The following DLG2 variants were observed in gnomAD, a reference collection of about 807,000 sequenced individuals.
DLG2 encodes discs large MAGUK scaffold protein 2.
Under a neutral mutation model 132.5 loss-of-function variants are expected in DLG2, and 45 were observed. That is an observed-to-expected ratio of 0.34 (90% CI 0.27 to 0.44). The LOEUF (loss-of-function observed/expected upper bound fraction) is 0.44, where lower values mean the gene tolerates loss of function less well. Among genes scored for constraint, DLG2 ranks in the 20% least tolerant of loss-of-function variants. The pLI is 1.00. For synonymous variants in DLG2, 424 were observed against 419.6 expected, an observed-to-expected ratio of 1.01 and a Z score of -0.13; for missense variants, 1,045 against 1,196.9, an observed-to-expected ratio of 0.87 and a Z score of 1.87.
At chr11:84,717,157 G>A (rs1479940546) in intron 6 of DLG2, among the ~76,000 whole-genome samples, 3 of 151,944 alleles carry the variant, frequency 2.0e-5, no homozygotes, top group African/African-American at 7.2e-5. Context: ...TGACAGTCTG[G>A]CCTACCCATG....
chr11:85,290,425 C>T (rs1287711160), intron 3 of DLG2, among the ~76,000 whole-genome samples: 1 of 152,028 alleles, frequency 6.6e-6, no homozygotes, highest in Non-Finnish European at 1.5e-5. Context: ...TTCTGATCCA[C>T]TAGCAACATT....
At chr11:84,980,828 T>A (rs894588820) in intron 6 of DLG2, among the ~76,000 whole-genome samples, 1 of 152,232 alleles carries the variant, frequency 6.6e-6, no homozygotes, top group East Asian at 1.9e-4. Context: ...GTTATTTGCA[T>A]ATAATGCCTT....
At chr11:83,966,622 A>T (rs1326009119) in intron 12 of DLG2, among the ~76,000 whole-genome samples, 1 of 152,072 alleles carries the variant, frequency 6.6e-6, no homozygotes, top group African/African-American at 2.4e-5. Context: ...CTATATAAAA[A>T]AATAAATTTT....
At chr11:85,173,689 T>C (rs757405927) in intron 4 of DLG2, among the ~76,000 whole-genome samples, 11 of 151,908 alleles carry the variant, frequency 7.2e-5, no homozygotes, top group Non-Finnish European at 1.5e-4. Flanking sequence ...GCAAGCTGGA[T>C]AGAGTCAAGA....
chr11:84,731,577 G>T (rs1228531979), intron 6 of DLG2, among the ~76,000 whole-genome samples: 1 of 151,856 alleles, frequency 6.6e-6, no homozygotes. Flanking sequence ...GATATACAAA[G>T]AATATGTGGT....
intron 18 of DLG2, among the ~76,000 whole-genome samples, chr11:83,709,231 C>CTGTG (rs112665187): frequency 0.22 from 32,164 of 147,122 alleles, 3,774 homozygotes; most frequent in African/African-American, 0.3. Flanking sequence ...AAATTTTACA[C>CTGTG]TGTGTGTGTG....
At chr11:83,781,942 C>T (rs2094846359) in intron 18 of DLG2, among the ~76,000 whole-genome samples, 1 of 152,134 alleles carries the variant, frequency 6.6e-6, no homozygotes, top group South Asian at 2.1e-4. Flanking sequence ...AGGTTGTAAT[C>T]AATTCCCTTT....
intron 6 of DLG2, among the ~76,000 whole-genome samples, chr11:84,781,089 A>G (rs79842513): frequency 9.1e-5 from 10 of 109,626 alleles, no homozygotes; most frequent in African/African-American, 2.0e-4. Context: ...GTGTGTGTGT[A>G]TACTTTCTAA....
At chr11:84,600,196 G>GAAAGAAAGAAAGAAAGA (rs1565419628) in intron 6 of DLG2, among the ~76,000 whole-genome samples, 3 of 135,948 alleles carry the variant, frequency 2.2e-5, no homozygotes, top group Admixed American at 2.2e-4. Context: ...AAGAAAGAAA[G>GAAAGAAAGAAAGAAAGA]AAAGAAAGAA....
intron 21 of DLG2, among the ~76,000 whole-genome samples, chr11:83,515,376 C>T (rs1018015582): frequency 2.0e-5 from 3 of 151,772 alleles, no homozygotes; most frequent in Non-Finnish European, 4.4e-5. Flanking sequence ...TGGTGATATC[C>T]CCTTTATCAT....
At chr11:84,557,661 A>ATT (rs61435705) in intron 6 of DLG2, among the ~76,000 whole-genome samples, 5 of 145,186 alleles carry the variant, frequency 3.4e-5, no homozygotes, top group African/African-American at 1.2e-4. Flanking sequence ...ACAATGTACC[A>ATT]TTTTTTTTTT....
intron 9 of DLG2, among the ~76,000 whole-genome samples, chr11:84,099,698 C>A (rs978681039): frequency 6.7e-5 from 10 of 150,104 alleles, no homozygotes; most frequent in African/African-American, 2.4e-4. Flanking sequence ...AGCCTTTACA[C>A]TTACTCCTGT....
chr11:83,664,668 G>A (rs2075132717), intron 18 of DLG2, among the ~76,000 whole-genome samples: 1 of 152,138 alleles, frequency 6.6e-6, no homozygotes, highest in African/African-American at 2.4e-5. Context: ...ATGAATATTT[G>A]TTGAGTTAAA....
intron 7 of DLG2, among the ~76,000 whole-genome samples, chr11:84,427,374 T>C (rs1601921392): frequency 6.6e-6 from 1 of 152,252 alleles, no homozygotes; most frequent in Non-Finnish European, 1.5e-5. Context: ...TTTTAATACA[T>C]GAGAGCACTA....
chr11:84,278,952 A>T (rs1315645222), intron 7 of DLG2, among the ~76,000 whole-genome samples: 5 of 152,182 alleles, frequency 3.3e-5, no homozygotes, highest in Admixed American at 6.5e-5. Context: ...AATGGCAACA[A>T]AAGCCAAAAT....
At chr11:85,595,501 T>C (rs2079682685) in intron 3 of DLG2, among the ~76,000 whole-genome samples, 1 of 152,204 alleles carries the variant, frequency 6.6e-6, no homozygotes, top group African/African-American at 2.4e-5. Context: ...AGCATCTAAA[T>C]GTGCAGCATC....
intron 7 of DLG2, among the ~76,000 whole-genome samples, chr11:84,358,488 T>C (rs969193221): frequency 1.3e-5 from 2 of 151,674 alleles, no homozygotes; most frequent in Admixed American, 6.6e-5. Context: ...TAAAAATGAT[T>C]CTCTGTTTTC....
chr11:85,251,418 T>A (rs72947974), intron 4 of DLG2, among the ~76,000 whole-genome samples: 6,353 of 152,282 alleles, frequency 0.042, 173 homozygotes, highest in East Asian at 0.093. Flanking sequence ...CTCTATCAGA[T>A]TTGCTGTGTT....
intron 7 of DLG2, among the ~76,000 whole-genome samples, chr11:84,451,047 A>T (rs1315748660): frequency 6.6e-6 from 1 of 151,878 alleles, no homozygotes; most frequent in Non-Finnish European, 1.5e-5. Context: ...ATTATTTTTT[A>T]AAAATCTGTA....
Sources: allele counts gnomAD v4.1 joint callset (sites outside exome capture counted in the v4.1 genomes callset), GRCh38; gene constraint gnomAD v4.1.1; transcripts MANE v1.5; gene names NCBI Gene and HGNC (gene_info 2026-07-23, HGNC 2026-07-21).